MAGI2: variants seen among roughly 807,000 people sequenced by gnomAD.
The protein encoded by MAGI2 is membrane associated guanylate kinase, WW and PDZ domain containing 2.
MAGI2 carries 35 observed loss-of-function variants against 133.3 expected under a neutral mutation model. That is an observed-to-expected ratio of 0.26 (90% confidence interval 0.20 to 0.35). MAGI2 has a LOEUF of 0.35. MAGI2 is among the 10% of genes least tolerant of loss of function. MAGI2 has a pLI of 1.00. For synonymous variants in MAGI2, 729 were observed against 710.6 expected (o/e 1.03, Z -0.41); for missense variants, 1,636 against 1,863.4 (o/e 0.88, Z 2.25).
At chr7:78,512,831 G>A (rs1440977001) in intron 4 of MAGI2, among the ~76,000 whole-genome samples, 1 of 152,114 alleles carries the variant, frequency 6.6e-6, no homozygotes, top group Admixed American at 6.5e-5. Context: ...AGAACAATAT[G>A]GAAAATTATG....
At chr7:79,045,931 A>G (rs1326547765) in intron 1 of MAGI2, among the ~76,000 whole-genome samples, 1 of 152,136 alleles carries the variant, frequency 6.6e-6, no homozygotes, top group African/African-American at 2.4e-5. Context: ...AAATAACATA[A>G]AACAATAATG....
chr7:78,452,250 G>A (rs1167306058), intron 6 of MAGI2, among the ~76,000 whole-genome samples: 1 of 151,936 alleles, frequency 6.6e-6, no homozygotes, highest in African/African-American at 2.4e-5. Flanking sequence ...AGCAGAATCA[G>A]TACATAAATC....
rs73362679 is a variant in MAGI2 at position 78,089,435 on chromosome 7, G to T, written c.3568-10350C>A. On this transcript the variant is annotated intron_variant, in intron 20 of 21. Transcript: ENST00000354212. Reference sequence around the variant, plus strand: ...GGTGGGGTAGGTGTGGGATGGAATTGATTTTAAAACATCAAATATGCCAAA... The same window carrying T: ...GGTGGGGTAGGTGTGGGATGGAATTTATTTTAAAACATCAAATATGCCAAA... Among the ~76,000 whole-genome samples the T allele has an allele frequency of 8.8e-3, 1,340 of 152,298 alleles. 9 individuals carry two copies. Among genetic ancestry groups the T allele is most frequent in the African/African-American group, 0.031 (1,275 of 41,542 alleles).
At position 79,007,168 on chromosome 7, in the gene MAGI2, A is replaced by G. The variant is rs1232596389; in HGVS notation, c.340T>C (p.Leu114=). 1.2e-6 allele frequency: 2 copies of G among 1,612,774 alleles called. No homozygotes were observed. The highest frequency in any genetic ancestry group is 1.7e-5 in the Admixed American group (1 of 59,746). The change falls in exon 2 of 22, where the codon TTA becomes CTA. Residue 114 remains leucine, a synonymous_variant. Transcript: ENST00000354212. ...VDKDLRHYLN[L]RFQKGSVDHE... ...TCCACAGAACCCTTTTGAAATCGTAAGTTGAGGTAGTGACGAAGGTCTTTA... is the reference window on the plus strand; with the variant it reads ...TCCACAGAACCCTTTTGAAATCGTAGGTTGAGGTAGTGACGAAGGTCTTTA...
intron 1 of MAGI2, among the ~76,000 whole-genome samples, chr7:79,234,413 C>A (rs1258417554): frequency 4.6e-5 from 7 of 151,996 alleles, no homozygotes; most frequent in Non-Finnish European, 8.8e-5. Context: ...TCCATTCTCC[C>A]CATCACTTTC....
At chr7:78,650,122 T>C (rs1459799284) in intron 2 of MAGI2, among the ~76,000 whole-genome samples, 5 of 152,140 alleles carry the variant, frequency 3.3e-5, no homozygotes, top group African/African-American at 1.2e-4. Context: ...AACGGTTTTC[T>C]TTTTTCTATA....
intron 20 of MAGI2, among the ~76,000 whole-genome samples, chr7:78,089,622 C>T (rs112956454): frequency 8.3e-4 from 127 of 152,230 alleles, no homozygotes; most frequent in Middle Eastern, 3.4e-3. Flanking sequence ...AGAGGAGTGG[C>T]GTCAGGGTTA....
intron 1 of MAGI2, among the ~76,000 whole-genome samples, chr7:79,295,688 T>C (rs903186465): frequency 6.6e-6 from 1 of 152,014 alleles, no homozygotes; most frequent in African/African-American, 2.4e-5. Context: ...GTGCAGCTAG[T>C]GAAGCCAGGC....
At chr7:79,123,954 C>T (rs1414808574) in intron 1 of MAGI2, among the ~76,000 whole-genome samples, 1 of 151,762 alleles carries the variant, frequency 6.6e-6, no homozygotes, top group Non-Finnish European at 1.5e-5. Context: ...TTCTTTTTCA[C>T]CTGTGACCCC....
At chr7:79,224,718 A>G (rs544383680) in intron 1 of MAGI2, among the ~76,000 whole-genome samples, 7 of 152,322 alleles carry the variant, frequency 4.6e-5, no homozygotes, top group Non-Finnish European at 1.0e-4. Context: ...GACAGACTCA[A>G]AAGACTACAT....
chr7:79,349,859 G>A (rs1198323178), intron 1 of MAGI2, among the ~76,000 whole-genome samples: 1 of 151,902 alleles, frequency 6.6e-6, no homozygotes. Flanking sequence ...CCCTCTCTGT[G>A]ACCTTGGGCT....
intron 10 of MAGI2, among the ~76,000 whole-genome samples, chr7:78,218,813 A>T (rs568433178): frequency 1.4e-4 from 22 of 152,306 alleles, no homozygotes; most frequent in African/African-American, 5.1e-4. Flanking sequence ...ACACAGCGTC[A>T]GTGGGGACTA....
At chr7:78,303,928 A>T (rs4540341) in intron 9 of MAGI2, among the ~76,000 whole-genome samples, 1 of 152,050 alleles carries the variant, frequency 6.6e-6, no homozygotes, top group South Asian at 2.1e-4. Flanking sequence ...AAATTTTATC[A>T]TCTCCAAAAC....
chr7:79,372,866 G>C (rs1843136758), intron 1 of MAGI2, among the ~76,000 whole-genome samples: 1 of 152,004 alleles, frequency 6.6e-6, no homozygotes, highest in East Asian at 1.9e-4. Flanking sequence ...AAATATATTT[G>C]AAGTCATTCT....
chr7:78,781,296 A>G (rs964252587), intron 2 of MAGI2, among the ~76,000 whole-genome samples: 1 of 150,318 alleles, frequency 6.7e-6, no homozygotes, highest in African/African-American at 2.4e-5. Flanking sequence ...GGAGAATGGC[A>G]TGAACCCAGG....
At chr7:78,688,830 T>C (rs772330824) in intron 2 of MAGI2, among the ~76,000 whole-genome samples, 29 of 152,298 alleles carry the variant, frequency 1.9e-4, no homozygotes, top group Admixed American at 3.3e-4. Flanking sequence ...AACTGACAAA[T>C]GTGTCTCAGA....
intron 17 of MAGI2, among the ~76,000 whole-genome samples, chr7:78,133,546 A>G (rs1821786903): frequency 6.6e-6 from 1 of 152,202 alleles, no homozygotes; most frequent in African/African-American, 2.4e-5. Context: ...CTCATAGCCC[A>G]CTGGACTCCA....
intron 6 of MAGI2, among the ~76,000 whole-genome samples, chr7:78,474,002 C>T (rs1393899658): frequency 6.6e-6 from 1 of 152,016 alleles, no homozygotes; most frequent in Non-Finnish European, 1.5e-5. Flanking sequence ...ATCTGTGCCC[C>T]TGTCATCACC....
At chr7:78,969,483 A>T (rs1803605857) in intron 2 of MAGI2, among the ~76,000 whole-genome samples, 2 of 152,032 alleles carry the variant, frequency 1.3e-5, no homozygotes, top group South Asian at 4.1e-4. Context: ...GCGAGAGACA[A>T]CGAACCATGG....
Sources: allele counts gnomAD v4.1 joint callset (sites outside exome capture counted in the v4.1 genomes callset), GRCh38; gene constraint gnomAD v4.1.1; transcripts MANE v1.5; gene names NCBI Gene and HGNC (gene_info 2026-07-23, HGNC 2026-07-21).